FSD1L: variants seen among roughly 807,000 people sequenced by gnomAD.
FSD1L encodes fibronectin type III and SPRY domain containing 1 like, also known as FSD1-like protein.
A neutral mutation model predicts 71.6 loss-of-function variants in FSD1L; 45 were observed. The ratio of observed to expected loss-of-function variants is 0.63; its 90% confidence interval spans 0.49 to 0.81. The LOEUF (loss-of-function observed/expected upper bound fraction) is 0.81. Ranked by LOEUF, FSD1L falls within the 30% of genes least tolerant of loss-of-function variation. The pLI is 0.00. For synonymous variants in FSD1L, 197 were observed against 207.2 expected, an observed-to-expected ratio of 0.95 and a Z score of 0.42; for missense variants, 561 against 618.1, an observed-to-expected ratio of 0.91 and a Z score of 0.98.
At chr9:105,443,542 C>T (rs1040861761), upstream of FSD1L, among the ~76,000 whole-genome samples, 1 of 152,164 alleles carries the variant, frequency 6.6e-6, no homozygotes, top group African/African-American at 2.4e-5. Context: ...TGGGCAGACT[C>T]TGTCTATAAT....
chr9:105,520,943 A>G (rs539435245), intron 10 of FSD1L: 4 of 1,611,948 alleles, frequency 2.5e-6, no homozygotes, highest in African/African-American at 1.3e-5. Flanking sequence ...GGAAGAACAA[A>G]GAAAACCAAG....
At chr9:105,519,478 A>T (rs1156965557) in intron 10 of FSD1L, among the ~76,000 whole-genome samples, 3 of 152,210 alleles carry the variant, frequency 2.0e-5, no homozygotes, top group African/African-American at 7.2e-5. Flanking sequence ...CATCCTTAGG[A>T]TGCAAGGCTG....
chr9:105,491,972 T>A (rs1832973855), intron 7 of FSD1L, among the ~76,000 whole-genome samples: 1 of 152,068 alleles, frequency 6.6e-6, no homozygotes, highest in Non-Finnish European at 1.5e-5. Flanking sequence ...TTTTTGGTTG[T>A]GTCTCTGCCC....
intron 1 of FSD1L, among the ~76,000 whole-genome samples, chr9:105,459,131 T>C (rs1292320690): frequency 6.6e-6 from 1 of 152,236 alleles, no homozygotes. Context: ...ACTATCCTTA[T>C]ATACACCTTT....
At chr9:105,460,358 G>A (rs549217674) in intron 1 of FSD1L, among the ~76,000 whole-genome samples, 143 of 152,198 alleles carry the variant, frequency 9.4e-4, no homozygotes, top group African/African-American at 9.6e-4. Flanking sequence ...TTGGGAAGCC[G>A]AAGTGGGTGA....
chr9:105,474,590 T>C (rs1831674738), intron 5 of FSD1L, among the ~76,000 whole-genome samples: 1 of 152,228 alleles, frequency 6.6e-6, no homozygotes, highest in Non-Finnish European at 1.5e-5. Flanking sequence ...CTTTGGAGAT[T>C]ATTACTAGTC....
Position 105,456,781 on chromosome 9 carries a change from A to G in FSD1L, c.16-4739A>G, listed in dbSNP as rs566470792. 2.1e-3 allele frequency among the ~76,000 whole-genome samples: 314 copies of G among 152,356 alleles called. 3 individuals carry two copies. Among genetic ancestry groups the G allele is most frequent in the African/African-American group, 6.9e-3 (287 of 41,588 alleles). The stretch of plus-strand genomic sequence containing the variant: ...GGAGACTTATCTCATATATTTTACT[A>G]TGATCTAGCAGAATTGGCATTTGTC... On this transcript the variant is annotated intron_variant, in intron 1 of 13. Transcript: ENST00000481272.
chr9:105,499,689 G>T (rs1833650112), intron 7 of FSD1L, among the ~76,000 whole-genome samples: 1 of 151,164 alleles, frequency 6.6e-6, no homozygotes, highest in African/African-American at 2.4e-5. Context: ...TTTGGTTGAT[G>T]TTCCCTGAGC....
intron 13 of FSD1L, among the ~76,000 whole-genome samples, chr9:105,543,797 G>A (rs1229280595): frequency 1.3e-5 from 2 of 152,156 alleles, no homozygotes; most frequent in Non-Finnish European, 2.9e-5. Flanking sequence ...ATTCCCTGGT[G>A]TATATGTGCC....
At chr9:105,461,742 C>G (rs1283838672) in intron 2 of FSD1L, 127 bp downstream of exon 2, 1 of 602,768 alleles carries the variant, frequency 1.7e-6, no homozygotes, top group African/African-American at 1.8e-5. Context: ...TAGCTGGGAG[C>G]AGGGATCATG....
intron 3 of FSD1L, among the ~76,000 whole-genome samples, chr9:105,465,058 T>G (rs911333892): frequency 6.6e-6 from 1 of 152,076 alleles, no homozygotes; most frequent in Admixed American, 6.6e-5. Context: ...AAAGGTAAAG[T>G]GCCCATTGAG....
chr9:105,464,179 T>G, intron 2 of FSD1L, 57 bp from the exon 3 acceptor site: 35 of 864,734 alleles, frequency 4.0e-5, no homozygotes, highest in Non-Finnish European at 6.1e-5. Context: ...TGCTTGTTAA[T>G]GAGTTTTGTA....
At chr9:105,453,602 CAAGA>C (rs1042153107) in intron 1 of FSD1L, among the ~76,000 whole-genome samples, 3 of 152,052 alleles carry the variant, frequency 2.0e-5, no homozygotes, top group East Asian at 3.9e-4. Flanking sequence ...GAACTGTGAG[CAAGA>C]AAGTAGAAAT....
chr9:105,529,700 A>G (rs1027132930), intron 10 of FSD1L, among the ~76,000 whole-genome samples: 4 of 152,098 alleles, frequency 2.6e-5, no homozygotes, highest in Admixed American at 1.3e-4. Flanking sequence ...GCAAACCACC[A>G]TGACACATGT....
At position 105,488,842 on chromosome 9, in the gene FSD1L, A is replaced by G. The variant is rs74307296; in HGVS notation, c.586+4340A>G. Among the ~76,000 whole-genome samples, 75 of 104,130 alleles carry G rather than the reference A, an allele frequency of 7.2e-4. No homozygotes were observed. The East Asian group carries it at 0.014, about 19-fold the overall frequency. The allele number at this position is 104,130 out of a possible 152,430, so 68.3% of individuals were successfully genotyped here. On this transcript the variant is annotated intron_variant, in intron 7 of 13. Transcript: ENST00000481272. Reference sequence around the variant, plus strand: ...GGGTTTTTTTTTTTTTTTTGGTACTACTTATGTTTTTATTAAGGCATGATA... The same window carrying G: ...GGGTTTTTTTTTTTTTTTTGGTACTGCTTATGTTTTTATTAAGGCATGATA...
At chr9:105,453,529 G>C (rs940184516) in intron 1 of FSD1L, among the ~76,000 whole-genome samples, 5 of 151,946 alleles carry the variant, frequency 3.3e-5, no homozygotes, top group African/African-American at 1.2e-4. Flanking sequence ...GTGCATGTCT[G>C]TCTGCATGTA....
At chr9:105,536,251 C>T (rs1162093546) in intron 12 of FSD1L, among the ~76,000 whole-genome samples, 1 of 152,234 alleles carries the variant, frequency 6.6e-6, no homozygotes, top group Non-Finnish European at 1.5e-5. Context: ...TAAATTTTCC[C>T]ATCTGAATAA....
rs372927151 is a variant in FSD1L, at chr9:105,527,598, C to A, written c.1026-6895C>A. ...TGCATGTGTAAATACATCATACTGG[C>A]AAGCCGTAAAATATAAATTATGTAT... On this transcript the variant is annotated intron_variant, in intron 10 of 13. Transcript: ENST00000481272. Among the ~76,000 whole-genome samples, 951 of 151,096 alleles carry A rather than the reference C, an allele frequency of 6.3e-3. 16 individuals are homozygous for A. Among genetic ancestry groups the A allele is most frequent in the African/African-American group, 0.022 (902 of 41,044 alleles).
At chr9:105,527,773 T>C (rs919223535) in intron 10 of FSD1L, among the ~76,000 whole-genome samples, 5 of 150,082 alleles carry the variant, frequency 3.3e-5, no homozygotes, top group East Asian at 1.9e-4. Flanking sequence ...CTACTCAACA[T>C]AGTATTGAAA....
Sources: gnomAD v4.1 joint callset for allele counts (sites outside exome capture counted in the v4.1 genomes callset) on GRCh38, gnomAD v4.1.1 for gene constraint, MANE v1.5 for transcripts, NCBI Gene and HGNC (gene_info 2026-07-23, HGNC 2026-07-21) for gene names.